APLP2: variants seen among roughly 807,000 people sequenced by gnomAD.
APLP2 encodes the protein CDEI box-binding protein.
In APLP2, 53 loss-of-function variants were observed where a neutral mutation model predicts 89.9. The ratio of observed to expected loss-of-function variants is 0.59; its 90% CI spans 0.47 to 0.74. APLP2 has a LOEUF of 0.74. APLP2 is among the 30% of genes least tolerant of loss of function. The pLI is 0.00. For synonymous variants in APLP2, 372 were observed against 348.6 expected (o/e 1.07, Z -0.75); for missense variants, 973 against 975.9 (o/e 1.00, Z 0.04).
intron 1 of APLP2, among the ~76,000 whole-genome samples, chr11:130,090,739 C>T (rs76715527): frequency 5.3e-5 from 8 of 152,258 alleles, no homozygotes; most frequent in Non-Finnish European, 7.3e-5. Context: ...TCCACAAAGC[C>T]GCCATTGTCA....
At chr11:130,075,294 G>A (rs1941921468) in intron 1 of APLP2, among the ~76,000 whole-genome samples, 1 of 152,104 alleles carries the variant, frequency 6.6e-6, no homozygotes, top group Admixed American at 6.5e-5. Flanking sequence ...GGAGTACAGT[G>A]CATACCACCA....
intron 3 of APLP2, among the ~76,000 whole-genome samples, chr11:130,117,069 T>C (rs1213984977): frequency 6.6e-6 from 1 of 151,984 alleles, no homozygotes; most frequent in African/African-American, 2.4e-5. Flanking sequence ...AGGCAGAGGA[T>C]GCAGTGAGCC....
intron 16 of APLP2, among the ~76,000 whole-genome samples, chr11:130,142,648 G>C (rs1015055464): frequency 6.6e-6 from 1 of 152,146 alleles, no homozygotes; most frequent in African/African-American, 2.4e-5. Context: ...CAGTCTCGCT[G>C]TGTCGCCCAG....
intron 3 of APLP2, among the ~76,000 whole-genome samples, chr11:130,111,510 C>T (rs1268775952): frequency 6.6e-6 from 1 of 152,244 alleles, no homozygotes; most frequent in African/African-American, 2.4e-5. Context: ...TCTCTCCCTT[C>T]TGTAAAACCT....
At chr11:130,129,752 G>T (rs541855244) in intron 10 of APLP2, among the ~76,000 whole-genome samples, 21 of 152,308 alleles carry the variant, frequency 1.4e-4, no homozygotes, top group African/African-American at 4.8e-4. Context: ...AGGTGTCAGA[G>T]GCTGAGCCAG....
At chr11:130,118,076 C>CA (rs71061363) in intron 3 of APLP2, among the ~76,000 whole-genome samples, 23,839 of 94,214 alleles carry the variant, frequency 0.25, 4,142 homozygotes, top group African/African-American at 0.51. Flanking sequence ...GACTCCATCT[C>CA]AAAAAAAAAA....
intron 3 of APLP2, among the ~76,000 whole-genome samples, chr11:130,116,959 G>A (rs78109162): frequency 0.071 from 10,742 of 151,840 alleles, 460 homozygotes; most frequent in East Asian, 0.2. Flanking sequence ...GTGAAACCCC[G>A]TCTCTACTAA....
At chr11:130,099,041 T>C (rs866291151) in intron 1 of APLP2, among the ~76,000 whole-genome samples, 2 of 152,226 alleles carry the variant, frequency 1.3e-5, no homozygotes, top group South Asian at 4.1e-4. Context: ...CAGCACACTC[T>C]TAATAACTGC....
In APLP2 at chr11:130,130,057, C is replaced by A. The variant is rs1803121; in HGVS notation, c.1475C>A (p.Ala492Asp). 4 of 1,614,194 alleles carry A rather than the reference C, an allele frequency of 2.5e-6. No homozygotes were observed. The East Asian group carries it at 8.9e-5, about 36-fold the overall frequency. Residue 492 changes from alanine (A) to aspartate (D), a missense_variant, in exon 11 of 17, where the codon GCC becomes GAC. Transcript: ENST00000338167. ...DPPRPHRILQALRRYVRAENK... is the reference protein window; with the variant it reads ...DPPRPHRILQDLRRYVRAENK... ...TTGCAGCCTCATCGCATTCTCCAGGCCTTACGGCGTTATGTCCGTGCTGAG... is the reference window on the plus strand; with the variant it reads ...TTGCAGCCTCATCGCATTCTCCAGGACTTACGGCGTTATGTCCGTGCTGAG...
In APLP2 at chr11:130,121,820, C is replaced by G. The variant is rs560817140; in HGVS notation, c.713+10C>G. On this transcript the variant is annotated intron_variant, in intron 5 of 16. Coordinates refer to ENST00000338167, the MANE Select transcript of APLP2 (RefSeq NM_001142276.2). ...ATGATGTTTATAAAAGGTAACTCTT[C>G]TACTTTGAACTGTGAAGTCGTTTTG... The G allele has an allele frequency of 5.6e-6, 9 of 1,605,202 alleles. No homozygotes were observed. The South Asian group carries it at 9.9e-5, about 18-fold the overall frequency.
At chr11:130,111,696 C>T (rs1444804318) in intron 3 of APLP2, among the ~76,000 whole-genome samples, 1 of 152,128 alleles carries the variant, frequency 6.6e-6, no homozygotes, top group African/African-American at 2.4e-5. Flanking sequence ...GTGCTTACCA[C>T]CGTTTACTTT....
At chr11:130,128,623 C>T (rs187811273) in intron 9 of APLP2, among the ~76,000 whole-genome samples, 1 of 152,318 alleles carries the variant, frequency 6.6e-6, no homozygotes, top group East Asian at 1.9e-4. Flanking sequence ...TACTTTTGCA[C>T]TAACCTAATG....
chr11:130,120,642 G>T lies in APLP2; in HGVS notation c.404-64G>T, dbSNP rs530864591. The T allele has an allele frequency of 6.7e-6, 8 of 1,197,132 alleles. No individual in the cohort carries two copies. The South Asian group carries it at 8.6e-5, about 13-fold the overall frequency. The allele number at this position is 1,197,132 out of a possible 1,614,324, so 74.2% of individuals were successfully genotyped here. A position where few individuals can be genotyped will look rare whatever the true frequency, so the allele number is the denominator to read the frequency against. ...GTGTAGACTATCATCATAAACTTCAGTGAGGGGCATTTTCACCTTGAAATC... is the reference window on the plus strand; with the variant it reads ...GTGTAGACTATCATCATAAACTTCATTGAGGGGCATTTTCACCTTGAAATC... On this transcript the variant is annotated intron_variant, in intron 3 of 16. Coordinates refer to ENST00000338167, the MANE Select transcript of APLP2 (RefSeq NM_001142276.2).
chr11:130,109,300 G>A, intron 1 of APLP2, 129 bp from the exon 2 acceptor site: 2 of 807,330 alleles, frequency 2.5e-6, no homozygotes, highest in Non-Finnish European at 3.7e-6. Flanking sequence ...AAAAGGATTT[G>A]TTTGTGAAGA....
intron 12 of APLP2, among the ~76,000 whole-genome samples, chr11:130,134,338 C>T (rs185238852): frequency 3.9e-4 from 60 of 152,228 alleles, no homozygotes; most frequent in African/African-American, 1.4e-3. Context: ...GCCTGAGATC[C>T]GAATGGTAAG....
chr11:130,104,361 G>A (rs1947364104), intron 1 of APLP2, among the ~76,000 whole-genome samples: 1 of 151,746 alleles, frequency 6.6e-6, no homozygotes, highest in African/African-American at 2.4e-5. Flanking sequence ...TAGGACCATA[G>A]GCACGCGCCC....
chr11:130,124,677 G>A (rs1011898395), intron 7 of APLP2, among the ~76,000 whole-genome samples: 2 of 152,144 alleles, frequency 1.3e-5, no homozygotes, highest in African/African-American at 4.8e-5. Context: ...TCATTCACAT[G>A]CCTTCATGTT....
intron 3 of APLP2, among the ~76,000 whole-genome samples, chr11:130,111,125 G>A (rs1337204608): frequency 6.6e-6 from 1 of 152,120 alleles, no homozygotes; most frequent in Non-Finnish European, 1.5e-5. Context: ...AGGGTACCGG[G>A]GCCAGGGCTT....
chr11:130,132,471 G>A (rs1197148432), intron 11 of APLP2, among the ~76,000 whole-genome samples: 2 of 152,054 alleles, frequency 1.3e-5, no homozygotes, highest in East Asian at 1.9e-4. Context: ...CTAACCAGGC[G>A]GGGATGACTT....
Sources: allele counts gnomAD v4.1 joint callset (sites outside exome capture counted in the v4.1 genomes callset), GRCh38; gene constraint gnomAD v4.1.1; transcripts MANE v1.5; gene names NCBI Gene and HGNC (gene_info 2026-07-23, HGNC 2026-07-21).